The following PLCD4 variants were observed in gnomAD, a reference collection of about 807,000 sequenced individuals.
The protein encoded by PLCD4 is phospholipase C delta 4, also known as 1-phosphatidylinositol 4,5-bisphosphate phosphodiesterase delta-4.
In PLCD4, 63 loss-of-function variants were observed where a neutral mutation model predicts 90.2. The observed-to-expected ratio is 0.70, with a 90% CI of 0.57 to 0.86. The LOEUF is 0.86. Ranked by LOEUF, PLCD4 falls within the 40% of genes least tolerant of loss-of-function variation. The pLI, the probability that PLCD4 is intolerant of heterozygous loss-of-function variation, is 0.00. For missense variants in PLCD4, 830 were observed against 956.3 expected (o/e 0.87, Z 1.74); for synonymous variants, 294 against 356.5 (o/e 0.82, Z 1.97).
intron 9 of PLCD4, among the ~76,000 whole-genome samples, chr2:218,631,048 G>T (rs1367200523): frequency 6.6e-6 from 1 of 152,106 alleles, no homozygotes; most frequent in Non-Finnish European, 1.5e-5. Context: ...CTCAGTGGAA[G>T]TATCTTGATT....
intron 7 of PLCD4, chr2:218,628,446 G>A: frequency 2.0e-6 from 1 of 510,978 alleles, no homozygotes; most frequent in South Asian, 3.6e-5. Flanking sequence ...CACAAGCTAT[G>A]AAACTCTCCT....
At position 218,636,950 on chromosome 2, in the gene PLCD4, T is replaced by C. The variant is rs1251052764; in HGVS notation, c.*373T>C. ...ACTAGAAATTCAGAGGGGCTTGGAA[T>C]AGAGAAACCTAAAGAAGCATCATCC... On this transcript the variant is annotated 3_prime_UTR_variant, in exon 16 of 16. Transcript: ENST00000450993. 1.7e-5 allele frequency: 8 copies of C among 458,010 alleles called. No homozygotes were observed. The highest frequency in any genetic ancestry group is 3.1e-5 in the Non-Finnish European group (7 of 228,448). The allele number at this position is 458,010 out of a possible 1,614,324, so 28.4% of individuals were successfully genotyped here. A position where few individuals can be genotyped will look rare whatever the true frequency, so the allele number is the denominator to read the frequency against.
At chr2:218,635,772 G>A (rs1432440176) in intron 13 of PLCD4, 24 bp from the exon 14 acceptor site, 3 of 1,606,496 alleles carry the variant, frequency 1.9e-6, no homozygotes, top group Admixed American at 1.7e-5. Flanking sequence ...AGGAACTTGT[G>A]AGATTCCAGA....
intron 1 of PLCD4, among the ~76,000 whole-genome samples, chr2:218,615,400 G>A (rs529977388): frequency 6.2e-4 from 94 of 152,214 alleles, no homozygotes; most frequent in Non-Finnish European, 1.0e-3. Flanking sequence ...CAAGATGTTA[G>A]TTCCTAATAA....
At chr2:218,621,748 A>C in intron 5 of PLCD4, 149 bp downstream of exon 5, 1 of 1,069,106 alleles carries the variant, frequency 9.4e-7, no homozygotes, top group Non-Finnish European at 1.4e-6. Context: ...CTCAATGGGA[A>C]GTATAGGGGA....
chr2:218,615,858 G>A (rs1695555759), intron 2 of PLCD4, 46 bp from the exon 3 acceptor site: 1 of 1,610,660 alleles, frequency 6.2e-7, no homozygotes, highest in Non-Finnish European at 8.5e-7. Context: ...CCCTGGGCCT[G>A]CTACCCTCTC....
At chr2:218,618,003 C>T (rs1446143714) in intron 3 of PLCD4, among the ~76,000 whole-genome samples, 2 of 152,098 alleles carry the variant, frequency 1.3e-5, no homozygotes, top group Non-Finnish European at 2.9e-5. Context: ...AGGAGAATGG[C>T]GTGAACCTGG....
intron 1 of PLCD4, among the ~76,000 whole-genome samples, chr2:218,608,472 TG>T (rs1695186866): frequency 6.6e-6 from 1 of 152,212 alleles, no homozygotes; most frequent in Non-Finnish European, 1.5e-5. Context: ...CAGAGATCCC[TG>T]GTAATAGAGA....
rs1696797173 is a variant in PLCD4, at chr2:218,636,926, C to T, written c.*349C>T. ...AACTCTGTGTGAAGGCAGGTTGCAA[C>T]TAGAAATTCAGAGGGGCTTGGAATA... On this transcript the variant is annotated 3_prime_UTR_variant, in exon 16 of 16. Transcript: ENST00000450993. 1 of 463,334 alleles carries T rather than the reference C, an allele frequency of 2.2e-6. No homozygotes were observed. The highest frequency in any genetic ancestry group is 2.0e-5 in the African/African-American group (1 of 50,358). The allele number at this position is 463,334 out of a possible 1,614,324, so 28.7% of individuals were successfully genotyped here.
chr2:218,615,411 T>C (rs908501712), intron 1 of PLCD4, among the ~76,000 whole-genome samples: 1 of 151,836 alleles, frequency 6.6e-6, no homozygotes, highest in Non-Finnish European at 1.5e-5. Context: ...TTCCTAATAA[T>C]GAGAGGGTGG....
At chr2:218,619,715 A>G (rs2106132884) in intron 4 of PLCD4, among the ~76,000 whole-genome samples, 1 of 152,264 alleles carries the variant, frequency 6.6e-6, no homozygotes, top group South Asian at 2.1e-4. Flanking sequence ...CAGGGAGATC[A>G]CTTGAGGCAG....
intron 3 of PLCD4, among the ~76,000 whole-genome samples, chr2:218,616,932 A>AT (rs1479684306): frequency 2.2e-4 from 3 of 13,544 alleles, no homozygotes; most frequent in African/African-American, 4.2e-4. Context: ...ATATATAGAG[A>AT]GAGAGAGAGA....
At chr2:218,630,909 T>TAGAAAGAA in intron 9 of PLCD4, 107 bp downstream of exon 9, 5 of 1,242,430 alleles carry the variant, frequency 4.0e-6, no homozygotes, top group Non-Finnish European at 5.5e-6. Flanking sequence ...TATCCTCGGA[T>TAGAAAGAA]GGACCATCTT....
chr2:218,629,717 C>T (rs556190578), intron 8 of PLCD4, 54 bp downstream of exon 8: 17 of 1,578,100 alleles, frequency 1.1e-5, no homozygotes, highest in Middle Eastern at 2.0e-4. Flanking sequence ...GAGGGAAGAA[C>T]GACTGGCTCT....
At chr2:218,632,024 C>A in intron 9 of PLCD4, 112 bp from the exon 10 acceptor site, 1 of 1,207,190 alleles carries the variant, frequency 8.3e-7, no homozygotes, top group Non-Finnish European at 1.1e-6. Context: ...CCCTCGGGAA[C>A]TTCCGACCAC....
rs749115363 is a variant in PLCD4, at chr2:218,636,347, G to A, written c.2137G>A (p.Asp713Asn). ...VMDYDWKSRN[D>N]FIGQYTLPWT... ...GGATTATGACTGGAAATCCCGAAAT[G>A]ACTTTATTGGTCAGTACACCCTGCC... Residue 713 changes from aspartate (D) to asparagine (N), a missense_variant, in exon 15 of 16, where the codon GAC becomes AAC. Transcript: ENST00000450993. The A allele has an allele frequency of 3.1e-6, 5 of 1,614,016 alleles. No homozygotes were observed. The South Asian group carries it at 5.5e-5, about 18-fold the overall frequency.
chr2:218,626,904 A>G (rs2106147733), intron 6 of PLCD4, among the ~76,000 whole-genome samples: 1 of 152,300 alleles, frequency 6.6e-6, no homozygotes, highest in East Asian at 1.9e-4. Context: ...CTATAAAATT[A>G]GCCCTTTGGA....
chr2:218,630,581 G>C (rs533892384), intron 8 of PLCD4, 69 bp from the exon 9 acceptor site: 1 of 1,585,660 alleles, frequency 6.3e-7, no homozygotes, highest in Non-Finnish European at 8.7e-7. Context: ...CCTAGGAAGC[G>C]GGTACTTGAA....
chr2:218,633,516 T>G, intron 10 of PLCD4, 89 bp from the exon 11 acceptor site: 1 of 1,450,696 alleles, frequency 6.9e-7, no homozygotes, highest in Non-Finnish European at 9.7e-7. Context: ...GGGGAGGCAG[T>G]GGGCAGAGGT....
Sources: allele counts gnomAD v4.1 joint callset (sites outside exome capture counted in the v4.1 genomes callset), GRCh38; gene constraint gnomAD v4.1.1; transcripts MANE v1.5; gene names NCBI Gene and HGNC (gene_info 2026-07-23, HGNC 2026-07-21).